Variants in ZMAT4 observed in about 807,000 individuals in gnomAD.
The protein encoded by ZMAT4 is zinc finger matrin-type protein 4.
Under a neutral mutation model 28.7 loss-of-function variants are expected in ZMAT4, and 17 were observed. That is an observed-to-expected ratio of 0.59 (90% CI 0.41 to 0.89). ZMAT4 has a LOEUF of 0.89. Ranked by LOEUF, ZMAT4 falls within the 40% of genes least tolerant of loss-of-function variation. The probability of loss-of-function intolerance (pLI) is 0.00; values close to 1 mark genes in which losing one functional copy is unlikely to be tolerated. For missense variants in ZMAT4, 240 were observed against 283.8 expected (o/e 0.85, Z 1.11); for synonymous variants, 117 against 109.2 (o/e 1.07, Z -0.44).
intron 4 of ZMAT4, among the ~76,000 whole-genome samples, chr8:40,696,572 C>A (rs1809895952): frequency 6.6e-6 from 1 of 152,066 alleles, no homozygotes; most frequent in Non-Finnish European, 1.5e-5. Flanking sequence ...ATGTGATAGA[C>A]CTCTGAAGAA....
chr8:40,638,571 AT>A (rs2118752487), intron 5 of ZMAT4, among the ~76,000 whole-genome samples: 1 of 152,358 alleles, frequency 6.6e-6, no homozygotes, highest in South Asian at 2.1e-4. Flanking sequence ...CAGAGAATCA[AT>A]GGCAACCAAG....
At chr8:40,797,923 C>T (rs1292436003) in intron 2 of ZMAT4, among the ~76,000 whole-genome samples, 4 of 152,198 alleles carry the variant, frequency 2.6e-5, no homozygotes, top group African/African-American at 9.7e-5. Context: ...AGGAGTGAGC[C>T]AGGCAATTAA....
intron 6 of ZMAT4, among the ~76,000 whole-genome samples, chr8:40,576,531 G>GA (rs202047657): frequency 0.053 from 6,929 of 129,860 alleles, 354 homozygotes; most frequent in African/African-American, 0.14. Flanking sequence ...GGGCTGAAAG[G>GA]AAAAAAAAAA....
At chr8:40,659,958 A>C (rs1176494619) in intron 5 of ZMAT4, among the ~76,000 whole-genome samples, 1 of 152,214 alleles carries the variant, frequency 6.6e-6, no homozygotes, top group African/African-American at 2.4e-5. Flanking sequence ...TAACTGCAAA[A>C]GAAATCAGGA....
At chr8:40,620,311 A>G (rs139391017) in intron 5 of ZMAT4, among the ~76,000 whole-genome samples, 1 of 152,340 alleles carries the variant, frequency 6.6e-6, no homozygotes, top group East Asian at 1.9e-4. Flanking sequence ...TGCTGGAGCA[A>G]AGGTTGATGT....
intron 2 of ZMAT4, among the ~76,000 whole-genome samples, chr8:40,781,719 G>A (rs112324920): frequency 0.17 from 19,602 of 116,548 alleles, 1,837 homozygotes; most frequent in Middle Eastern, 0.32. Flanking sequence ...CCGAGATCCC[G>A]CCACTGCACT....
chr8:40,650,418 A>G (rs1807582929), intron 5 of ZMAT4, among the ~76,000 whole-genome samples: 1 of 120,378 alleles, frequency 8.3e-6, no homozygotes, highest in African/African-American at 2.8e-5. Flanking sequence ...AGGATCTGAA[A>G]TTGTGGCAAT....
chr8:40,704,780 C>T (rs1810283104), intron 3 of ZMAT4, among the ~76,000 whole-genome samples: 1 of 152,198 alleles, frequency 6.6e-6, no homozygotes, highest in Non-Finnish European at 1.5e-5. Context: ...TACTATCTCC[C>T]TCGTTTTCTT....
chr8:40,786,170 C>T (rs754827745), intron 2 of ZMAT4, among the ~76,000 whole-genome samples: 1 of 152,140 alleles, frequency 6.6e-6, no homozygotes, highest in Non-Finnish European at 1.5e-5. Context: ...TTCTGGACTT[C>T]AACAAGGGGG....
intron 1 of ZMAT4, among the ~76,000 whole-genome samples, chr8:40,834,334 TC>T (rs1318576386): frequency 6.6e-6 from 1 of 152,040 alleles, no homozygotes; most frequent in Admixed American, 6.6e-5. Flanking sequence ...TTGTCCTTTG[TC>T]TGCTTGGACA....
At chr8:40,623,711 A>G (rs1313291714) in intron 5 of ZMAT4, among the ~76,000 whole-genome samples, 1 of 152,212 alleles carries the variant, frequency 6.6e-6, no homozygotes, top group African/African-American at 2.4e-5. Context: ...TCTGTCACAC[A>G]GGGCATGAGA....
intron 6 of ZMAT4, 115 bp from the exon 7 acceptor site, chr8:40,532,353 A>G (rs1442077311): frequency 5.1e-6 from 4 of 778,276 alleles, no homozygotes; most frequent in Non-Finnish European, 7.6e-6. Flanking sequence ...CTTAACCATC[A>G]AATTCAAATG....
intron 3 of ZMAT4, among the ~76,000 whole-genome samples, chr8:40,719,580 T>C (rs1810995475): frequency 6.6e-6 from 1 of 152,036 alleles, no homozygotes; most frequent in Non-Finnish European, 1.5e-5. Flanking sequence ...TTTTTGTTTT[T>C]TGTTTTTTGT....
At chr8:40,558,456 G>T (rs972845558) in intron 6 of ZMAT4, among the ~76,000 whole-genome samples, 1 of 152,234 alleles carries the variant, frequency 6.6e-6, no homozygotes, top group South Asian at 2.1e-4. Context: ...AGAAAAGGGG[G>T]CAGATTTGAG....
chr8:40,554,303 C>A (rs1803455546), intron 6 of ZMAT4, among the ~76,000 whole-genome samples: 1 of 152,056 alleles, frequency 6.6e-6, no homozygotes, highest in African/African-American at 2.4e-5. Context: ...TTGATAACTA[C>A]AAACCAACCA....
intron 4 of ZMAT4, among the ~76,000 whole-genome samples, chr8:40,692,501 G>A (rs938886351): frequency 6.6e-6 from 1 of 152,132 alleles, no homozygotes; most frequent in Non-Finnish European, 1.5e-5. Flanking sequence ...TCACAATAAA[G>A]GCTTATTTCT....
At chr8:40,710,656 C>T (rs1258497946) in intron 3 of ZMAT4, among the ~76,000 whole-genome samples, 1 of 151,898 alleles carries the variant, frequency 6.6e-6, no homozygotes, top group Non-Finnish European at 1.5e-5. Flanking sequence ...AAGTGTGCCA[C>T]ATGATCCTGG....
chr8:40,707,296 A>G (rs750354633), intron 3 of ZMAT4, among the ~76,000 whole-genome samples: 1 of 143,548 alleles, frequency 7.0e-6, no homozygotes, highest in African/African-American at 2.6e-5. Context: ...ATTTGGGCTG[A>G]AAAGGTGTCA....
chr8:40,546,187 A>G (rs186826619), intron 6 of ZMAT4, among the ~76,000 whole-genome samples: 6 of 152,168 alleles, frequency 3.9e-5, no homozygotes, highest in Non-Finnish European at 7.4e-5. Flanking sequence ...TCTCATCTTC[A>G]ATATGAATTT....
Sources: gnomAD v4.1 joint callset for allele counts (sites outside exome capture counted in the v4.1 genomes callset) on GRCh38, gnomAD v4.1.1 for gene constraint, MANE v1.5 for transcripts, NCBI Gene and HGNC (gene_info 2026-07-23, HGNC 2026-07-21) for gene names.